Variants in DDX56 observed in about 807,000 individuals in gnomAD.
DDX56 encodes DEAD-box helicase 56.
Under a neutral mutation model 61.5 loss-of-function variants are expected in DDX56, and 45 were observed. The ratio of observed to expected loss-of-function variants is 0.73; its 90% CI spans 0.58 to 0.94. The LOEUF is 0.94. Among genes scored for constraint, DDX56 ranks in the 40% least tolerant of loss-of-function variants. The pLI is 0.00. For synonymous variants in DDX56, 273 were observed against 268.3 expected, an observed-to-expected ratio of 1.02 and a Z score of -0.17; for missense variants, 708 against 690.7, an observed-to-expected ratio of 1.02 and a Z score of -0.28.
In DDX56 at chr7:44,566,223, G is replaced by A. The variant is rs1036970198; in HGVS notation, c.1567-144C>T. 3 of 667,542 alleles carry A rather than the reference G, an allele frequency of 4.5e-6. No individual in the cohort carries two copies. In the South Asian group the frequency reaches 5.4e-5, roughly 12 times the overall value. 41.4% of individuals were successfully genotyped at this position (667,542 alleles called of 1,614,324 possible). ...CAGAAGGTGCTGCAGATAAGGAAAT[G>A]GGGAAAGGCAGCTGGGGAAAGAAAA... is the stretch of plus-strand genomic sequence containing the variant. On this transcript the variant is annotated intron_variant, in intron 13 of 13. Coordinates refer to ENST00000258772, the MANE Select transcript of DDX56 (RefSeq NM_019082.4).
Position 44,566,527 on chromosome 7 carries a change from G to A in DDX56, c.1490-3C>T, listed in dbSNP as rs773070756. Reference sequence around the variant, plus strand: ...CAGGCCACGGAGAGCAGGAGGAACTGGAAGAGATGCTTGCCTGAGCAGTGG... The same window carrying A: ...CAGGCCACGGAGAGCAGGAGGAACTAGAAGAGATGCTTGCCTGAGCAGTGG... On this transcript the variant is annotated splice_region_variant and splice_polypyrimidine_tract_variant and intron_variant, in intron 12 of 13. Transcript: ENST00000258772. The A allele has an allele frequency of 6.4e-7, 1 of 1,554,720 alleles. No homozygotes were observed. The highest frequency in any genetic ancestry group is 8.7e-7 in the Non-Finnish European group (1 of 1,146,114).
At chr7:44,571,171 T>C (rs961216935) in intron 6 of DDX56, among the ~76,000 whole-genome samples, 1 of 152,226 alleles carries the variant, frequency 6.6e-6, no homozygotes, top group Non-Finnish European at 1.5e-5. Context: ...CCTGAGTAGC[T>C]GGGATTACAG....
At chr7:44,572,172 C>G (rs1802692171) in intron 5 of DDX56, among the ~76,000 whole-genome samples, 175 bp downstream of exon 5, 2 of 152,300 alleles carry the variant, frequency 1.3e-5, no homozygotes, top group South Asian at 4.1e-4. Context: ...CTTGTGGACA[C>G]TTGGAAATAT....
Position 44,572,429 on chromosome 7 carries a change from G to A in DDX56, c.563C>T (p.Pro188Leu), listed in dbSNP as rs776779369. Residue 188 changes from proline to leucine, a missense_variant, in exon 5 of 14, where the codon CCC becomes CTC. Physicochemically the swap from Pro to Leu is moderately conservative, Grantham distance 98 (BLOSUM62 -3). Coordinates refer to ENST00000258772, the MANE Select transcript of DDX56 (RefSeq NM_019082.4). Reference sequence around the variant, plus strand: ...CATGAGAAAAGCCTGGTAAATCCGGGGCAAGTGACTGAAATGAAAGAATCC... The same window carrying A: ...CATGAGAAAAGCCTGGTAAATCCGGAGCAAGTGACTGAAATGAAAGAATCC... The part of the protein sequence containing the change: ...EELKSLLCHL[P>L]RIYQAFLMSA... 4 of 1,613,900 alleles carry A rather than the reference G, an allele frequency of 2.5e-6. No homozygotes were observed. The East Asian group carries it at 8.9e-5, about 36-fold the overall frequency.
At chr7:44,572,538 T>C in intron 4 of DDX56, 36 bp downstream of exon 4, 2 of 1,613,574 alleles carry the variant, frequency 1.2e-6, no homozygotes, top group Non-Finnish European at 1.7e-6. Flanking sequence ...TACTCACAGA[T>C]GTTTCCACTA....
chr7:44,570,400 T>C (rs1455245920), intron 7 of DDX56, among the ~76,000 whole-genome samples: 2 of 152,200 alleles, frequency 1.3e-5, no homozygotes, highest in African/African-American at 4.8e-5. Context: ...TCTGAGCTAG[T>C]CAAGCCTTCA....
chr7:44,568,283 C>T, intron 11 of DDX56, 60 bp from the exon 12 acceptor site: 1 of 1,251,054 alleles, frequency 8.0e-7, no homozygotes. Flanking sequence ...CTTCACAGAC[C>T]TAGCTTTTCA....
chr7:44,570,647 C>G, intron 7 of DDX56, 111 bp downstream of exon 7: 1 of 1,407,906 alleles, frequency 7.1e-7, no homozygotes, highest in African/African-American at 1.4e-5. Flanking sequence ...ACACTACCAG[C>G]CAGGCCTGGA....
At chr7:44,569,326 G>A (rs2117121628) in intron 9 of DDX56, 123 bp from the exon 10 acceptor site, 2 of 858,366 alleles carry the variant, frequency 2.3e-6, no homozygotes, top group South Asian at 3.3e-5. Context: ...TTCCTGGGAT[G>A]CCGAACATGC....
intron 11 of DDX56, 40 bp downstream of exon 11, chr7:44,568,863 C>A (rs369783933): frequency 5.2e-6 from 8 of 1,539,990 alleles, no homozygotes; most frequent in Non-Finnish European, 7.2e-6. Context: ...AAAGGGCAGC[C>A]GTCTAAGATC....
Position 44,572,708 on chromosome 7 carries a change from C to T in DDX56, c.420G>A (p.Gly140=), listed in dbSNP as rs1802708069. 6.2e-7 allele frequency: 1 copy of T among 1,614,086 alleles called. No homozygotes were observed. The highest frequency in any genetic ancestry group is 8.5e-7 in the Non-Finnish European group (1 of 1,180,040). Residue 140 remains glycine, a synonymous_variant, in exon 4 of 14, where the codon GGG becomes GGA. Coordinates refer to ENST00000258772, the MANE Select transcript of DDX56 (RefSeq NM_019082.4). Reference sequence around the variant, plus strand: ...AGTGGCTTAATATGCGAGATGGGGTCCCTACTACCACATCTGGCTTCTCCA... The same window carrying T: ...AGTGGCTTAATATGCGAGATGGGGTTCCTACTACCACATCTGGCTTCTCCA... ...VLMEKPDVVV[G]TPSRILSHLQ... is the part of the protein sequence containing the mutation.
At chr7:44,570,970 T>A in intron 6 of DDX56, 93 bp from the exon 7 acceptor site, 2 of 1,421,458 alleles carry the variant, frequency 1.4e-6, no homozygotes, top group Non-Finnish European at 1.9e-6. Context: ...CACCCTTTCC[T>A]TTTTCCTCTT....
Position 44,565,920 on chromosome 7 carries a change from T to G in DDX56, c.*82A>C. The G allele has an allele frequency of 9.1e-7, 1 of 1,104,872 alleles. No individual in the cohort carries two copies. The allele number at this position is 1,104,872 out of a possible 1,614,324, so 68.4% of individuals were successfully genotyped here. A position where few individuals can be genotyped will look rare whatever the true frequency, so the allele number is the denominator to read the frequency against. On this transcript the variant is annotated 3_prime_UTR_variant, in exon 14 of 14. Coordinates refer to ENST00000258772, the MANE Select transcript of DDX56 (RefSeq NM_019082.4). Reference sequence around the variant, plus strand: ...AGAACTGTCTGTTCAGGCTGTGCAGTAAGCACCAGAGCCTCGCCTGTCCAC... The same window carrying G: ...AGAACTGTCTGTTCAGGCTGTGCAGGAAGCACCAGAGCCTCGCCTGTCCAC...
Position 44,571,572 on chromosome 7 carries a change from C to A in DDX56, c.810G>T (p.Arg270=). The A allele has an allele frequency of 1.2e-6, 2 of 1,614,146 alleles. No individual in the cohort carries two copies. The highest frequency in any genetic ancestry group is 1.7e-6 in the Non-Finnish European group (2 of 1,180,032). Residue 270 remains arginine, a synonymous_variant, in exon 6 of 14, where the codon CGG becomes CGT. Transcript: ENST00000258772. ...CCAAGAACAGGCGTAGCCGGTAACT[C>A]CGTTCTAGAGTGTTGACAAAGAGCA... The part of the protein sequence containing the change: ...KSLLFVNTLE[R]SYRLRLFLEQ...
chr7:44,566,431 G>A lies in DDX56; in HGVS notation c.1566+17C>T. 6.5e-7 allele frequency: 1 copy of A among 1,545,858 alleles called. No homozygotes were observed. Among genetic ancestry groups the A allele is most frequent in the Non-Finnish European group, 8.8e-7 (1 of 1,141,780 alleles). On this transcript the variant is annotated intron_variant, in intron 13 of 13. Coordinates refer to ENST00000258772, the MANE Select transcript of DDX56 (RefSeq NM_019082.4). ...GGGAGGAGTCCTGGGGCTGTCCGCAGTCCCCAGGAGCCGTACCTTGGCCTT... is the reference window on the plus strand; with the variant it reads ...GGGAGGAGTCCTGGGGCTGTCCGCAATCCCCAGGAGCCGTACCTTGGCCTT...
Position 44,573,854 on chromosome 7 carries a change from G to A in DDX56, c.42C>T (p.Leu14=), listed in dbSNP as rs201428469. The change falls in exon 1 of 14, where the codon CTC becomes CTT. Residue 14 remains leucine (L), a synonymous_variant. Transcript: ENST00000258772. ...CGTGTACCTGAAGGAGCCGGGGATC[G>A]AGGCCCATGTGTTCGAAGCCCAGTG... ...SEALGFEHMG[L]DPRLLQAVTD... is the part of the protein sequence containing the mutation. 32 of 1,613,234 alleles carry A rather than the reference G, an allele frequency of 2.0e-5. No homozygotes were observed. Among genetic ancestry groups the A allele is most frequent in the Non-Finnish European group, 2.5e-5 (29 of 1,180,016 alleles).
In DDX56 at chr7:44,568,688, T is replaced by A. The variant is rs376789555; in HGVS notation, c.1383+215A>T. ...GATGAAAGGACACATGAGCTCGTAA[T>A]TCTGCTGGACAGTGTCCACCATAAG... is the stretch of plus-strand genomic sequence containing the variant. On this transcript the variant is annotated intron_variant, in intron 11 of 13. Coordinates refer to ENST00000258772, the MANE Select transcript of DDX56 (RefSeq NM_019082.4). 3.3e-5 allele frequency among the ~76,000 whole-genome samples: 5 copies of A among 152,124 alleles called. No homozygotes were observed. In the South Asian group the frequency reaches 8.3e-4, roughly 25 times the overall value.
At chr7:44,566,862 T>C (rs1202594374) in intron 12 of DDX56, among the ~76,000 whole-genome samples, 1 of 152,060 alleles carries the variant, frequency 6.6e-6, no homozygotes, top group African/African-American at 2.4e-5. Context: ...GGGCCCCGCA[T>C]CCCAGCTGCA....
intron 12 of DDX56, chr7:44,567,912 G>A: frequency 1.7e-6 from 1 of 596,294 alleles, no homozygotes; most frequent in African/African-American, 1.9e-5. Context: ...CTAAAATGGA[G>A]ACAGCAACAG....
Sources: gnomAD v4.1 joint callset for allele counts (sites outside exome capture counted in the v4.1 genomes callset) on GRCh38, gnomAD v4.1.1 for gene constraint, MANE v1.5 for transcripts, NCBI Gene and HGNC (gene_info 2026-07-23, HGNC 2026-07-21) for gene names.